PKM: variants seen among roughly 807,000 people sequenced by gnomAD.
The protein encoded by PKM is pyruvate kinase PKM.
A neutral mutation model predicts 49.8 loss-of-function variants in PKM; 18 were observed. The ratio of observed to expected loss-of-function variants is 0.36; its 90% CI spans 0.25 to 0.54. The LOEUF (loss-of-function observed/expected upper bound fraction) is 0.54. PKM is among the 20% of genes least tolerant of loss of function. The probability of loss-of-function intolerance (pLI) is 0.89; values close to 1 mark genes in which losing one functional copy is unlikely to be tolerated. For synonymous variants in PKM, 239 were observed against 261.8 expected (o/e 0.91, Z 0.84); for missense variants, 508 against 713.8 (o/e 0.71, Z 3.28).
chr15:72,226,398 C>T (rs982088304), intron 1 of PKM, among the ~76,000 whole-genome samples: 1 of 152,206 alleles, frequency 6.6e-6, no homozygotes, highest in East Asian at 1.9e-4. Context: ...GGCGTGGTTG[C>T]GGTTGCCTGT....
intron 3 of PKM, among the ~76,000 whole-genome samples, chr15:72,210,936 G>T (rs1242250141): frequency 6.6e-6 from 1 of 152,188 alleles, no homozygotes; most frequent in African/African-American, 2.4e-5. Context: ...GATATATGTG[G>T]TAATGCTGAG....
intron 1 of PKM, among the ~76,000 whole-genome samples, chr15:72,228,376 C>CTTTTTTTTTT (rs10656443): frequency 8.4e-6 from 1 of 118,848 alleles, no homozygotes; most frequent in Non-Finnish European, 1.6e-5. Flanking sequence ...TTAGTTGTGG[C>CTTTTTTTTTT]TTTTTTTTTT....
chr15:72,199,462 G>T lies in PKM; in HGVS notation c.*188C>A. On this transcript the variant is annotated 3_prime_UTR_variant, in exon 11 of 11. Transcript: ENST00000335181. ...GCCACATGATGGGCAGCCAGGCTCT[G>T]GGCTGTCCCACTAGAGCAGGCTGCA... The T allele has an allele frequency of 1.4e-6, 1 of 699,500 alleles. No homozygotes were observed. The allele number at this position is 699,500 out of a possible 1,614,324, so 43.3% of individuals were successfully genotyped here.
rs148776715 is a variant in PKM, at chr15:72,206,268, C to A, written c.1140+460G>T. ...TGCGGGAGCGCCTGTCTGCAGGATGCGGGGCAGAGGGAACTGAATTGGAAG... is the reference window on the plus strand; with the variant it reads ...TGCGGGAGCGCCTGTCTGCAGGATGAGGGGCAGAGGGAACTGAATTGGAAG... On this transcript the variant is annotated intron_variant, in intron 8 of 10. Coordinates refer to ENST00000335181, the MANE Select transcript of PKM (RefSeq NM_002654.6). 8.5e-4 allele frequency: 157 copies of A among 185,430 alleles called. 1 individual carries two copies. Among genetic ancestry groups the A allele is most frequent in the African/African-American group, 3.4e-3 (142 of 42,230 alleles). 11.5% of individuals were successfully genotyped at this position (185,430 alleles called of 1,614,324 possible).
chr15:72,199,768 G>C lies in PKM; in HGVS notation c.1490-12C>G. 1 of 1,596,466 alleles carries C rather than the reference G, an allele frequency of 6.3e-7. No individual in the cohort carries two copies. Among genetic ancestry groups the C allele is most frequent in the Non-Finnish European group, 8.6e-7 (1 of 1,165,020 alleles). On this transcript the variant is annotated splice_polypyrimidine_tract_variant and intron_variant, in intron 10 of 10. Coordinates refer to ENST00000335181, the MANE Select transcript of PKM (RefSeq NM_002654.6). ...GCCTCGGGCCTTGCCTGGAGGAAGA[G>C]AAGGGAGGTTGGTGAGTAAAAGCCA...
In PKM at chr15:72,200,893, A is replaced by G; in HGVS notation, c.1308-238T>C. On this transcript the variant is annotated intron_variant, in intron 9 of 10. Transcript: ENST00000335181. This position sits in a 1 kb window ranked among gnomAD's most constrained non-coding sequence, Gnocchi z 4.6. The stretch of plus-strand genomic sequence containing the variant: ...TTCCACAGGCCAAGGGCTCAGGATC[A>G]CCTTGACCCAGCAAGATCAGCCTCA... The G allele has an allele frequency of 2.0e-6, 1 of 499,834 alleles. No homozygotes were observed. Among genetic ancestry groups the G allele is most frequent in the Non-Finnish European group, 3.6e-6 (1 of 277,528 alleles). The allele number at this position is 499,834 out of a possible 1,614,324, so 31.0% of individuals were successfully genotyped here.
intron 2 of PKM, among the ~76,000 whole-genome samples, chr15:72,218,495 C>T (rs796693240): frequency 1.5e-4 from 23 of 152,078 alleles, no homozygotes; most frequent in African/African-American, 5.5e-4. Flanking sequence ...GATCATGGCT[C>T]ACTGCAACTT....
intron 1 of PKM, among the ~76,000 whole-genome samples, chr15:72,221,567 A>G (rs1251066966): frequency 6.6e-6 from 1 of 151,162 alleles, no homozygotes; most frequent in Non-Finnish European, 1.5e-5. Flanking sequence ...GGATTACAGA[A>G]AAAAAAAAAT....
intron 1 of PKM, chr15:72,229,632 T>C: frequency 7.9e-7 from 1 of 1,262,890 alleles, no homozygotes; most frequent in Non-Finnish European, 1.0e-6. Flanking sequence ...GGTGAGACCT[T>C]ACGAGGCTTC....
intron 2 of PKM, among the ~76,000 whole-genome samples, chr15:72,218,619 A>AC (rs1201954476): frequency 2.5e-4 from 37 of 146,416 alleles, no homozygotes; most frequent in African/African-American, 9.2e-4. Flanking sequence ...TTTTGGAGAG[A>AC]CAGGGTCTAA....
intron 1 of PKM, among the ~76,000 whole-genome samples, chr15:72,229,932 AAAAAGAAAGG>A (rs767356144): frequency 6.7e-6 from 1 of 150,156 alleles, no homozygotes; most frequent in South Asian, 2.1e-4. Context: ...AAAAGAAAGA[AAAAAGAAAGG>A]AAAAGAAAGA....
chr15:72,231,126 G>T lies in PKM; in HGVS notation c.-24C>A. 2.9e-6 allele frequency: 1 copy of T among 344,010 alleles called. No homozygotes were observed. The highest frequency in any genetic ancestry group is 5.8e-6 in the Non-Finnish European group (1 of 172,848). 21.3% of individuals were successfully genotyped at this position (344,010 alleles called of 1,614,324 possible). Reference sequence around the variant, plus strand: ...TCCTGCACCGCTCACCTCCGGCGCTGACCGACTCGGGCTACGCTGCAAAGA... The same window carrying T: ...TCCTGCACCGCTCACCTCCGGCGCTTACCGACTCGGGCTACGCTGCAAAGA... On this transcript the variant is annotated 5_prime_UTR_variant, in exon 1 of 11. Coordinates refer to ENST00000335181, the MANE Select transcript of PKM (RefSeq NM_002654.6).
chr15:72,207,086 C>A (rs767455770), intron 7 of PKM, 41 bp downstream of exon 7: 5 of 1,609,272 alleles, frequency 3.1e-6, no homozygotes, highest in Non-Finnish European at 4.2e-6. Context: ...TACAAACATG[C>A]GAGTGTGCAC....
chr15:72,217,915 C>T (rs575716610), intron 2 of PKM, among the ~76,000 whole-genome samples: 134 of 152,248 alleles, frequency 8.8e-4, no homozygotes, highest in African/African-American at 3.0e-3. Flanking sequence ...AAAACCTAAA[C>T]CATATGGATT....
intron 3 of PKM, 71 bp downstream of exon 3, chr15:72,217,338 A>C: frequency 2.1e-6 from 2 of 939,194 alleles, no homozygotes; most frequent in Non-Finnish European, 3.5e-6. Context: ...ACTGTGGCTA[A>C]ACGAACACTG....
chr15:72,221,416 G>T, intron 1 of PKM: 1 of 564,270 alleles, frequency 1.8e-6, no homozygotes. Context: ...TTAAACCTGT[G>T]ATTTACTAAC....
At chr15:72,231,425 T>C (rs929607814), upstream of PKM, 1 of 152,600 alleles carries the variant, frequency 6.6e-6, no homozygotes, top group Non-Finnish European at 1.5e-5. Flanking sequence ...AGAGTCACAT[T>C]TTAAGAAACC....
chr15:72,215,609 T>C (rs1365200657), intron 3 of PKM, among the ~76,000 whole-genome samples: 4 of 152,208 alleles, frequency 2.6e-5, no homozygotes, highest in Non-Finnish European at 5.9e-5. Context: ...AAGTTTAAAA[T>C]ACCAAAATCG....
chr15:72,213,651 G>A (rs1244460424), intron 3 of PKM, among the ~76,000 whole-genome samples: 9 of 152,156 alleles, frequency 5.9e-5, no homozygotes, highest in Non-Finnish European at 8.8e-5. Flanking sequence ...GGCTGGTCTC[G>A]AACTCCTGAC....
Sources: allele counts gnomAD v4.1 joint callset (sites outside exome capture counted in the v4.1 genomes callset), GRCh38; gene constraint gnomAD v4.1.1; non-coding constraint Gnocchi (gnomAD v3.1); transcripts MANE v1.5; gene names NCBI Gene and HGNC (gene_info 2026-07-23, HGNC 2026-07-21).